Variants in ATG4C observed in about 807,000 individuals in gnomAD.
ATG4C encodes the protein cysteine protease ATG4C.
In ATG4C, 56 loss-of-function variants were observed where a neutral mutation model predicts 57.6. The observed-to-expected ratio is 0.97, with a 90% CI of 0.78 to 1.21. The LOEUF (loss-of-function observed/expected upper bound fraction) is 1.21. Ranked by LOEUF, ATG4C falls within the 50% of genes most tolerant of loss-of-function variation. The pLI is 0.00. For synonymous variants in ATG4C, 157 were observed against 174.1 expected, an observed-to-expected ratio of 0.90 and a Z score of 0.78; for missense variants, 595 against 529.8, an observed-to-expected ratio of 1.12 and a Z score of -1.21.
At chr1:62,805,996 C>T (rs1224738605) in intron 3 of ATG4C, among the ~76,000 whole-genome samples, 1 of 152,112 alleles carries the variant, frequency 6.6e-6, no homozygotes, top group Admixed American at 6.6e-5. Flanking sequence ...GTTATCATGG[C>T]TTTTCATTTT....
Position 62,805,147 on chromosome 1 carries a change from CTTTTCT to C in ATG4C, c.77-20_77-15del. 2 of 1,487,320 alleles carry C rather than the reference CTTTTCT, an allele frequency of 1.3e-6. No individual in the cohort carries two copies. The highest frequency in any genetic ancestry group is 8.8e-7 in the Non-Finnish European group (1 of 1,132,334). The allele number at this position is 1,487,320 out of a possible 1,614,324, so 92.1% of individuals were successfully genotyped here. On this transcript the variant is annotated intron_variant, in intron 2 of 10. Coordinates refer to ENST00000317868, the MANE Select transcript of ATG4C (RefSeq NM_032852.4). ...AAATCTTTTAATTACAAAACGTTTT[CTTTTCT>C]TTTTTTTTTTTTTGCTAGGTTGGGT...
At chr1:62,825,404 G>A (rs1006182271) in intron 6 of ATG4C, among the ~76,000 whole-genome samples, 2 of 152,000 alleles carry the variant, frequency 1.3e-5, no homozygotes, top group East Asian at 3.9e-4. Flanking sequence ...ACAACACTTT[G>A]TTTACTTGAT....
At chr1:62,788,548 GCA>G (rs1340101432) in intron 1 of ATG4C, among the ~76,000 whole-genome samples, 1 of 151,864 alleles carries the variant, frequency 6.6e-6, no homozygotes, top group East Asian at 1.9e-4. Context: ...CTAAGAACTA[GCA>G]CATTCTCTTA....
intron 1 of ATG4C, among the ~76,000 whole-genome samples, chr1:62,799,466 G>T (rs900710551): frequency 3.3e-5 from 5 of 152,098 alleles, no homozygotes; most frequent in Middle Eastern, 3.2e-3. Flanking sequence ...CAAGTTTGGG[G>T]GTAAAGTTAC....
chr1:62,850,899 T>TATATAC (rs1666500658), intron 10 of ATG4C, among the ~76,000 whole-genome samples: 1 of 62,580 alleles, frequency 1.6e-5, no homozygotes. Context: ...TATATATATA[T>TATATAC]ATACATACAC....
chr1:62,864,867 G>A lies in ATG4C; in HGVS notation c.*708G>A, dbSNP rs1475238515. Reference sequence around the variant, plus strand: ...GTCAGATAAAGGCAACTATAAAATAGTAGTAGTGTTTGTTTCCTATCTCAA... The same window carrying A: ...GTCAGATAAAGGCAACTATAAAATAATAGTAGTGTTTGTTTCCTATCTCAA... On this transcript the variant is annotated 3_prime_UTR_variant, in exon 11 of 11. Transcript: ENST00000317868. The A allele has an allele frequency of 1.3e-5, 2 of 151,876 alleles. No individual in the cohort carries two copies. Among genetic ancestry groups the A allele is most frequent in the African/African-American group, 4.8e-5 (2 of 41,408 alleles). 9.4% of individuals were successfully genotyped at this position (151,876 alleles called of 1,614,324 possible). A position where few individuals can be genotyped will look rare whatever the true frequency, so the allele number is the denominator to read the frequency against.
intron 9 of ATG4C, among the ~76,000 whole-genome samples, chr1:62,836,184 G>A (rs1665993438): frequency 1.3e-5 from 2 of 152,106 alleles, no homozygotes; most frequent in African/African-American, 4.8e-5. Flanking sequence ...ACTCATTATT[G>A]GGAGACTGTT....
chr1:62,812,418 A>G (rs367861693), intron 3 of ATG4C, among the ~76,000 whole-genome samples: 1 of 152,214 alleles, frequency 6.6e-6, no homozygotes, highest in South Asian at 2.1e-4. Flanking sequence ...ATAAAATTCA[A>G]AACTGCTTCA....
intron 6 of ATG4C, 22 bp from the exon 7 acceptor site, chr1:62,829,018 A>G (rs774126005): frequency 6.3e-7 from 1 of 1,584,462 alleles, no homozygotes; most frequent in African/African-American, 1.4e-5. Context: ...AATTTAATAC[A>G]TATTCATTAT....
At position 62,816,688 on chromosome 1, in the gene ATG4C, A is replaced by G. The variant is rs1665284935; in HGVS notation, c.274A>G (p.Arg92Gly). 1.2e-6 allele frequency: 2 copies of G among 1,613,802 alleles called. No homozygotes were observed. The highest frequency in any genetic ancestry group is 2.7e-5 in the African/African-American group (2 of 74,920). ...CATTTCTAGAATATGGCTGACCTAC[A>G]GGGAAGAATTCCCTCAAATAGAAGG... is the stretch of plus-strand genomic sequence containing the variant. ...DFISRIWLTY[R>G]EEFPQIEGSA... The change falls in exon 4 of 11, where the codon AGG becomes GGG. Residue 92 changes from arginine (R) to glycine (G), a missense_variant. By Grantham distance (125) the Arg-to-Gly change is moderately radical. Coordinates refer to ENST00000317868, the MANE Select transcript of ATG4C (RefSeq NM_032852.4).
intron 10 of ATG4C, among the ~76,000 whole-genome samples, chr1:62,846,805 C>CT (rs1557990125): frequency 6.6e-6 from 1 of 152,170 alleles, no homozygotes; most frequent in Non-Finnish European, 1.5e-5. Context: ...TCAGTGATCT[C>CT]TTATGTAGTT....
At chr1:62,844,450 G>A (rs1666269455) in intron 10 of ATG4C, among the ~76,000 whole-genome samples, 4 of 152,162 alleles carry the variant, frequency 2.6e-5, no homozygotes, top group Admixed American at 2.6e-4. Context: ...AAGTCTCTGA[G>A]TTTTGGGAAA....
intron 4 of ATG4C, among the ~76,000 whole-genome samples, chr1:62,818,378 AT>A (rs1273506236): frequency 6.6e-6 from 1 of 152,130 alleles, no homozygotes; most frequent in Non-Finnish European, 1.5e-5. Flanking sequence ...AAATATGTTT[AT>A]TGTGCCTTTG....
rs114589472 is a variant in ATG4C at position 62,788,740 on chromosome 1, A to G, written c.-69+4467A>G. On this transcript the variant is annotated intron_variant, in intron 1 of 10. Coordinates refer to ENST00000317868, the MANE Select transcript of ATG4C (RefSeq NM_032852.4). Reference sequence around the variant, plus strand: ...AATTGTATTTAGTACTTATATGTCTATTTTATCTAGAACAGTCTTTATCAT... The same window carrying G: ...AATTGTATTTAGTACTTATATGTCTGTTTTATCTAGAACAGTCTTTATCAT... Among the ~76,000 whole-genome samples the G allele has an allele frequency of 5.9e-3, 904 of 152,246 alleles. 8 individuals are homozygous for G. The highest frequency in any genetic ancestry group is 0.018 in the African/African-American group (740 of 41,556).
chr1:62,791,922 G>T, intron 1 of ATG4C, among the ~76,000 whole-genome samples: 1 of 151,862 alleles, frequency 6.6e-6, no homozygotes, highest in East Asian at 1.9e-4. Context: ...TCTCCTCTCT[G>T]GTATGTGGGC....
At chr1:62,819,731 AAAT>A (rs1665421961) in intron 5 of ATG4C, among the ~76,000 whole-genome samples, 1 of 151,968 alleles carries the variant, frequency 6.6e-6, no homozygotes, top group Non-Finnish European at 1.5e-5. Flanking sequence ...TCAAGAGCTA[AAAT>A]TGATATTTTC....
intron 3 of ATG4C, among the ~76,000 whole-genome samples, chr1:62,808,296 A>G (rs751578482): frequency 3.3e-5 from 5 of 152,226 alleles, no homozygotes; most frequent in Non-Finnish European, 7.3e-5. Context: ...CAAAGATTTA[A>G]ATATCTCCAT....
At chr1:62,811,751 GT>G (rs1292747600) in intron 3 of ATG4C, among the ~76,000 whole-genome samples, 1 of 152,140 alleles carries the variant, frequency 6.6e-6, no homozygotes, top group Non-Finnish European at 1.5e-5. Flanking sequence ...GGATTTGTCT[GT>G]TTCTTCCTGA....
intron 1 of ATG4C, among the ~76,000 whole-genome samples, chr1:62,797,226 A>G (rs1664500001): frequency 6.6e-6 from 1 of 152,154 alleles, no homozygotes; most frequent in South Asian, 2.1e-4. Flanking sequence ...GACATGCATA[A>G]GTTATATTTA....
Sources: allele counts gnomAD v4.1 joint callset (sites outside exome capture counted in the v4.1 genomes callset), GRCh38; gene constraint gnomAD v4.1.1; transcripts MANE v1.5; gene names NCBI Gene and HGNC (gene_info 2026-07-23, HGNC 2026-07-21).